Variants in TENM4 observed in about 807,000 individuals in gnomAD.
TENM4 encodes teneurin transmembrane protein 4, also known as teneurin-4.
In TENM4, 82 loss-of-function variants were observed where a neutral mutation model predicts 243.3. The observed-to-expected ratio is 0.34, with a 90% CI of 0.28 to 0.40. The LOEUF is 0.40. TENM4 is among the 10% of genes least tolerant of loss of function. TENM4 has a pLI of 1.00. For missense variants in TENM4, 3,138 were observed against 3,673.3 expected, an observed-to-expected ratio of 0.85 and a Z score of 3.77; for synonymous variants, 1,412 against 1,456.3, an observed-to-expected ratio of 0.97 and a Z score of 0.69.
chr11:79,107,470 T>C (rs149960620), intron 4 of TENM4, among the ~76,000 whole-genome samples: 434 of 152,342 alleles, frequency 2.8e-3, no homozygotes, highest in African/African-American at 9.5e-3. Flanking sequence ...TCCTTCCTTG[T>C]CTGACTTCCA....
chr11:78,867,576 C>A (rs557136703), intron 9 of TENM4, among the ~76,000 whole-genome samples: 1 of 152,294 alleles, frequency 6.6e-6, no homozygotes, highest in East Asian at 1.9e-4. Flanking sequence ...CCAGAGTCTG[C>A]CCATGAAATA....
intron 15 of TENM4, among the ~76,000 whole-genome samples, chr11:78,803,467 A>C (rs181044539): frequency 3.8e-4 from 58 of 152,304 alleles, no homozygotes; most frequent in East Asian, 7.7e-4. Flanking sequence ...TGAAACCCCC[A>C]AAAAAAGATT....
intron 3 of TENM4, among the ~76,000 whole-genome samples, chr11:79,202,129 T>C (rs1223957995): frequency 6.6e-6 from 1 of 152,160 alleles, no homozygotes; most frequent in Non-Finnish European, 1.5e-5. Flanking sequence ...ATGATGAGCC[T>C]GAGGTGTCTT....
chr11:78,817,333 C>CT (rs1857627788), intron 12 of TENM4, among the ~76,000 whole-genome samples: 1 of 152,186 alleles, frequency 6.6e-6, no homozygotes, highest in Non-Finnish European at 1.5e-5. Context: ...TGTGTGGCTC[C>CT]TTTAGTGAGT....
In TENM4 at chr11:78,756,797, G is replaced by A. The variant is rs777982877; in HGVS notation, c.2756+8C>T. On this transcript the variant is annotated splice_region_variant and intron_variant, in intron 19 of 33. Coordinates refer to ENST00000278550, the MANE Select transcript of TENM4 (RefSeq NM_001098816.3). ...AGCCCTGGCTGGAGCTGGGGCCCTC[G>A]GACTCACCCTCCATCAAAGGGGTTC... 1.1e-5 allele frequency: 18 copies of A among 1,610,386 alleles called. No individual in the cohort carries two copies. The highest frequency in any genetic ancestry group is 3.4e-5 in the Admixed American group (2 of 59,656).
At chr11:79,062,717 G>A (rs922700663) in intron 6 of TENM4, among the ~76,000 whole-genome samples, 1 of 152,116 alleles carries the variant, frequency 6.6e-6, no homozygotes, top group African/African-American at 2.4e-5. Context: ...CCCAAGAAAG[G>A]ATGCAATTTA....
At chr11:79,221,989 GTTC>G (rs1011184999) in intron 2 of TENM4, among the ~76,000 whole-genome samples, 4 of 152,166 alleles carry the variant, frequency 2.6e-5, no homozygotes, top group Non-Finnish European at 5.9e-5. Flanking sequence ...CTTTCTTGTG[GTTC>G]TTTGTCTGTG....
intron 1 of TENM4, among the ~76,000 whole-genome samples, chr11:79,324,526 G>A (rs1269557480): frequency 6.6e-6 from 1 of 152,092 alleles, no homozygotes; most frequent in African/African-American, 2.4e-5. Flanking sequence ...TGCCTGGCTT[G>A]TTTCTTTTTT....
At chr11:78,967,162 C>T (rs1443236864) in intron 6 of TENM4, among the ~76,000 whole-genome samples, 1 of 152,180 alleles carries the variant, frequency 6.6e-6, no homozygotes, top group Non-Finnish European at 1.5e-5. Flanking sequence ...CCTCTAGGTG[C>T]TCCCACAACT....
At chr11:79,244,714 C>G (rs1315511684) in intron 2 of TENM4, among the ~76,000 whole-genome samples, 1 of 152,134 alleles carries the variant, frequency 6.6e-6, no homozygotes, top group Non-Finnish European at 1.5e-5. Context: ...TCATGTTAAG[C>G]TCTTGTTATA....
intron 1 of TENM4, among the ~76,000 whole-genome samples, chr11:79,401,333 A>G (rs1210459626): frequency 6.6e-6 from 1 of 152,194 alleles, no homozygotes; most frequent in Non-Finnish European, 1.5e-5. Context: ...CGATTTACAG[A>G]AAGAACACAG....
At chr11:79,377,706 C>T (rs562581527) in intron 1 of TENM4, among the ~76,000 whole-genome samples, 22 of 152,310 alleles carry the variant, frequency 1.4e-4, no homozygotes, top group African/African-American at 5.3e-4. Context: ...TAAGCCTTCA[C>T]TTGCAAGGGA....
chr11:79,194,684 G>A (rs949161361), intron 3 of TENM4, among the ~76,000 whole-genome samples: 8 of 152,222 alleles, frequency 5.3e-5, no homozygotes, highest in South Asian at 2.1e-4. Flanking sequence ...CATTCAAGAG[G>A]TGACTTGGGT....
intron 6 of TENM4, among the ~76,000 whole-genome samples, chr11:78,929,106 T>C (rs1175884071): frequency 6.6e-6 from 1 of 150,574 alleles, no homozygotes; most frequent in Non-Finnish European, 1.5e-5. Context: ...GAAGTCCATC[T>C]CACCCTCAGA....
At chr11:79,323,525 G>A (rs1325163341) in intron 1 of TENM4, among the ~76,000 whole-genome samples, 2 of 152,176 alleles carry the variant, frequency 1.3e-5, no homozygotes, top group Admixed American at 1.3e-4. Flanking sequence ...GACTTCTCAA[G>A]GACTGTGGTG....
At chr11:79,284,096 G>A (rs562547525) in intron 2 of TENM4, among the ~76,000 whole-genome samples, 1 of 152,208 alleles carries the variant, frequency 6.6e-6, no homozygotes, top group South Asian at 2.1e-4. Context: ...TTGTGGATTG[G>A]GAGATTTAAT....
intron 15 of TENM4, among the ~76,000 whole-genome samples, chr11:78,792,902 C>T (rs1478477493): frequency 6.6e-6 from 1 of 152,128 alleles, no homozygotes; most frequent in Non-Finnish European, 1.5e-5. Context: ...CATGCTAATG[C>T]CCAAGTCACA....
chr11:79,115,504 T>C (rs1861600062), intron 4 of TENM4, among the ~76,000 whole-genome samples: 1 of 152,220 alleles, frequency 6.6e-6, no homozygotes, highest in South Asian at 2.1e-4. Flanking sequence ...TTTCTTCTGA[T>C]GCTCTACCCT....
chr11:79,157,646 G>A (rs1239423223), intron 3 of TENM4, among the ~76,000 whole-genome samples: 1 of 152,112 alleles, frequency 6.6e-6, no homozygotes, highest in Non-Finnish European at 1.5e-5. Flanking sequence ...CTGTGTGTCT[G>A]CCTGGAACAT....
Sources: allele counts gnomAD v4.1 joint callset (sites outside exome capture counted in the v4.1 genomes callset), GRCh38; gene constraint gnomAD v4.1.1; transcripts MANE v1.5; gene names NCBI Gene and HGNC (gene_info 2026-07-23, HGNC 2026-07-21).